The following SLC9A1 variants were observed in gnomAD, a reference collection of about 807,000 sequenced individuals.
SLC9A1 encodes the protein sodium/hydrogen exchanger 1.
A neutral mutation model predicts 67.9 loss-of-function variants in SLC9A1; 22 were observed. That is an observed-to-expected ratio of 0.32 (90% CI 0.23 to 0.46). The LOEUF is 0.46. SLC9A1 is among the 20% of genes least tolerant of loss of function. The probability of loss-of-function intolerance (pLI) is 1.00; values close to 1 mark genes in which losing one functional copy is unlikely to be tolerated. For missense variants in SLC9A1, 686 were observed against 1,094.8 expected, an observed-to-expected ratio of 0.63 and a Z score of 5.27; for synonymous variants, 421 against 471.8, an observed-to-expected ratio of 0.89 and a Z score of 1.40.
chr1:27,106,254 A>G lies in SLC9A1; in HGVS notation c.1283-167T>C, dbSNP rs12118026. 0.31 allele frequency among the ~76,000 whole-genome samples: 47,796 copies of G among 151,950 alleles called. 8,169 individuals carry two copies. Among genetic ancestry groups the G allele is most frequent in the Non-Finnish European group, 0.39 (26,540 of 67,944 alleles). ...AGCCCAGAGTGCTCTGAACTCCTCA[A>G]TCCAAGAGCTGGGTGGATCCTTAAA... On this transcript the variant is annotated intron_variant, in intron 4 of 11. Coordinates refer to ENST00000263980, the MANE Select transcript of SLC9A1 (RefSeq NM_003047.5). The surrounding 1 kb of genome is among the most constrained non-coding windows in gnomAD (Gnocchi z 4.3).
At chr1:27,111,736 T>C (rs1315718326) in intron 2 of SLC9A1, among the ~76,000 whole-genome samples, 2 of 152,140 alleles carry the variant, frequency 1.3e-5, no homozygotes, top group Non-Finnish European at 2.9e-5. Context: ...TTTGAGGAGT[T>C]TGAGGGTGCA....
chr1:27,142,271 C>G (rs991164875), intron 1 of SLC9A1, among the ~76,000 whole-genome samples: 3 of 152,220 alleles, frequency 2.0e-5, no homozygotes, highest in Non-Finnish European at 2.9e-5. Context: ...CTGACTCTGC[C>G]ATTAATTCAC....
chr1:27,109,435 G>C lies in SLC9A1; in HGVS notation c.1064+92C>G. 1 of 1,382,702 alleles carries C rather than the reference G, an allele frequency of 7.2e-7. No homozygotes were observed. Among genetic ancestry groups the C allele is most frequent in the Non-Finnish European group, 1.0e-6 (1 of 994,078 alleles). The allele number at this position is 1,382,702 out of a possible 1,614,324, so 85.7% of individuals were successfully genotyped here. ...CCCTGGAGCTCAAGGCTGGGCCCTG[G>C]GAGCTCCGTGAACCTACGAGCCTGG... On this transcript the variant is annotated intron_variant, in intron 3 of 11. Transcript: ENST00000263980. This position sits in a 1 kb window ranked among gnomAD's most constrained non-coding sequence, Gnocchi z 5.5.
chr1:27,122,199 T>C (rs932964778), intron 1 of SLC9A1, among the ~76,000 whole-genome samples: 1 of 151,998 alleles, frequency 6.6e-6, no homozygotes, highest in African/African-American at 2.4e-5. Context: ...ACCCCCGCCC[T>C]CCCCAGGCTG....
At chr1:27,122,764 T>A (rs558922897) in intron 1 of SLC9A1, among the ~76,000 whole-genome samples, 2 of 152,182 alleles carry the variant, frequency 1.3e-5, no homozygotes, top group Non-Finnish European at 2.9e-5. Context: ...ATTTGTTGAA[T>A]AAATTTCACT....
intron 2 of SLC9A1, among the ~76,000 whole-genome samples, chr1:27,111,378 C>T (rs1002804269): frequency 3.9e-5 from 6 of 152,142 alleles, no homozygotes; most frequent in Middle Eastern, 3.2e-3. Context: ...ACTCAGACTA[C>T]GGATTTGAAC....
intron 1 of SLC9A1, among the ~76,000 whole-genome samples, chr1:27,148,178 A>G (rs948318627): frequency 6.6e-6 from 1 of 152,092 alleles, no homozygotes; most frequent in East Asian, 1.9e-4. Context: ...GGCATGCAAC[A>G]TTCTGGGGGA....
At chr1:27,105,836 G>A (rs1408404530) in intron 5 of SLC9A1, 49 bp downstream of exon 5, 2 of 1,478,196 alleles carry the variant, frequency 1.4e-6, no homozygotes, top group African/African-American at 2.8e-5. Context: ...CACGGGAACA[G>A]CCTGTGAGGG....
intron 1 of SLC9A1, among the ~76,000 whole-genome samples, chr1:27,139,842 G>A (rs1269309435): frequency 6.6e-6 from 1 of 150,432 alleles, no homozygotes; most frequent in South Asian, 2.1e-4. Flanking sequence ...GCCCAGGCTA[G>A]AGTGCAGTGA....
At position 27,107,742 on chromosome 1, in the gene SLC9A1, G is replaced by A. The variant is rs749740093; in HGVS notation, c.1188C>T (p.Ile396=). ...WSSVSETLIF[I]FLGVSTVAGS... Reference sequence around the variant, plus strand: ...CGGCCACCGTGGAGACGCCGAGGAAGATGAAGATGAGGGTCTCGCTGACGC... The same window carrying A: ...CGGCCACCGTGGAGACGCCGAGGAAAATGAAGATGAGGGTCTCGCTGACGC... Residue 396 remains isoleucine, a synonymous_variant, in exon 4 of 12, where the codon ATC becomes ATT. Transcript: ENST00000263980. The A allele has an allele frequency of 2.9e-5, 46 of 1,591,566 alleles. No individual in the cohort carries two copies. Among genetic ancestry groups the A allele is most frequent in the Non-Finnish European group, 3.7e-5 (43 of 1,169,770 alleles).
chr1:27,114,006 C>T lies in SLC9A1; in HGVS notation c.633G>A (p.Val211=), dbSNP rs771499969. The T allele has an allele frequency of 1.7e-4, 275 of 1,614,050 alleles. No homozygotes were observed. The highest frequency in any genetic ancestry group is 2.3e-4 in the Non-Finnish European group (269 of 1,180,058). The change falls in exon 2 of 12, where the codon GTG becomes GTA. Residue 211 remains valine (V), a synonymous_variant. Transcript: ENST00000263980. This position sits in a 1 kb window ranked among gnomAD's most constrained non-coding sequence, Gnocchi z 5.4. ...TGATCTGCTCACCGCCCACCAGGCA[C>T]ACGGCGTACATGAGGCCGCCCAGGA... ...AFFLGGLMYA[V]CLVGGEQINN...
intron 1 of SLC9A1, among the ~76,000 whole-genome samples, chr1:27,141,894 T>C (rs1272277415): frequency 6.6e-6 from 1 of 152,206 alleles, no homozygotes; most frequent in African/African-American, 2.4e-5. Flanking sequence ...CCTGGCTTGA[T>C]GGCAAAGATG....
chr1:27,101,360 C>A lies in SLC9A1; in HGVS notation c.2038-85G>T, dbSNP rs901522087. ...CAGAACCCGGCCAGTGCACACCCCA[C>A]CTTTCGTATATGCAGGGCGCTTGCT... On this transcript the variant is annotated intron_variant, in intron 10 of 11. Transcript: ENST00000263980. This position sits in a 1 kb window ranked among gnomAD's most constrained non-coding sequence, Gnocchi z 4.9. The A allele has an allele frequency of 1.0e-5, 11 of 1,053,066 alleles. No homozygotes were observed. The highest frequency in any genetic ancestry group is 1.6e-5 in the Non-Finnish European group (11 of 692,112). 65.2% of individuals were successfully genotyped at this position (1,053,066 alleles called of 1,614,324 possible).
intron 4 of SLC9A1, among the ~76,000 whole-genome samples, chr1:27,107,393 CTA>C (rs879923465): frequency 6.7e-6 from 1 of 149,384 alleles, no homozygotes; most frequent in Non-Finnish European, 1.5e-5. Flanking sequence ...CCTCCACACA[CTA>C]CACACACACC....
At chr1:27,151,044 C>A (rs892649450) in intron 1 of SLC9A1, among the ~76,000 whole-genome samples, 18 of 152,158 alleles carry the variant, frequency 1.2e-4, no homozygotes, top group African/African-American at 4.3e-4. Context: ...CTTATCCCTA[C>A]AAGGCAGCTG....
chr1:27,112,959 G>T (rs1044739721), intron 2 of SLC9A1, among the ~76,000 whole-genome samples: 1 of 151,624 alleles, frequency 6.6e-6, no homozygotes, highest in African/African-American at 2.4e-5. Flanking sequence ...CAAGCAAGTG[G>T]CCAACTTCTT....
Position 27,101,340 on chromosome 1 carries a change from C to T in SLC9A1, c.2038-65G>A. The T allele has an allele frequency of 1.5e-6, 2 of 1,300,662 alleles. No homozygotes were observed. Among genetic ancestry groups the T allele is most frequent in the South Asian group, 1.2e-5 (1 of 83,470 alleles). The allele number at this position is 1,300,662 out of a possible 1,614,324, so 80.6% of individuals were successfully genotyped here. ...GCAGAGGGAGCCCCTCAGGACAGAA[C>T]CCGGCCAGTGCACACCCCACCTTTC... On this transcript the variant is annotated intron_variant, in intron 10 of 11. Coordinates refer to ENST00000263980, the MANE Select transcript of SLC9A1 (RefSeq NM_003047.5). The surrounding 1 kb of genome is among the most constrained non-coding windows in gnomAD (Gnocchi z 4.9).
chr1:27,142,196 C>T (rs947839252), intron 1 of SLC9A1, among the ~76,000 whole-genome samples: 1 of 152,202 alleles, frequency 6.6e-6, no homozygotes, highest in Non-Finnish European at 1.5e-5. Context: ...CCCCTCCTCT[C>T]GGTCCACTGT....
chr1:27,115,242 C>A (rs2083256771), intron 1 of SLC9A1, among the ~76,000 whole-genome samples: 1 of 152,162 alleles, frequency 6.6e-6, no homozygotes, highest in African/African-American at 2.4e-5. Flanking sequence ...CCAGCCATCT[C>A]CCCAGGCCGT....
Sources: allele counts gnomAD v4.1 joint callset (sites outside exome capture counted in the v4.1 genomes callset), GRCh38; gene constraint gnomAD v4.1.1; non-coding constraint Gnocchi (gnomAD v3.1); transcripts MANE v1.5; gene names NCBI Gene and HGNC (gene_info 2026-07-23, HGNC 2026-07-21).